The following UBXN4 variants were observed in gnomAD, a reference collection of about 807,000 sequenced individuals.
The protein encoded by UBXN4 is UBX domain-containing protein 4.
A neutral mutation model predicts 66.2 loss-of-function variants in UBXN4; 35 were observed. That is an observed-to-expected ratio of 0.53 (90% confidence interval 0.40 to 0.70). The LOEUF (loss-of-function observed/expected upper bound fraction) is 0.70, where lower values mean the gene tolerates loss of function less well. UBXN4 is among the 30% of genes least tolerant of loss of function. The pLI, the probability that UBXN4 is intolerant of heterozygous loss-of-function variation, is 0.00. For missense variants in UBXN4, 533 were observed against 599.8 expected, an observed-to-expected ratio of 0.89 and a Z score of 1.16; for synonymous variants, 203 against 204.5, an observed-to-expected ratio of 0.99 and a Z score of 0.06.
intron 4 of UBXN4, 46 bp from the exon 5 acceptor site, chr2:135,755,471 T>G: frequency 6.9e-7 from 1 of 1,440,784 alleles, no homozygotes; most frequent in Non-Finnish European, 9.2e-7. Context: ...CATGGTAAGT[T>G]TAGATTCTTA....
chr2:135,770,536 A>G (rs2077377528), intron 7 of UBXN4, 35 bp from the exon 8 acceptor site: 1 of 1,334,930 alleles, frequency 7.5e-7, no homozygotes, highest in Non-Finnish European at 9.9e-7. Context: ...CAGATTATCA[A>G]GTTTTTGGAT....
intron 12 of UBXN4, 150 bp downstream of exon 12, chr2:135,780,535 T>C (rs181121841): frequency 2.6e-6 from 2 of 759,320 alleles, no homozygotes. Context: ...GAAACTTTAT[T>C]ACATCATCTC....
intron 8 of UBXN4, 93 bp from the exon 9 acceptor site, chr2:135,772,327 T>TAAAA: frequency 8.9e-7 from 1 of 1,120,278 alleles, no homozygotes; most frequent in East Asian, 3.0e-5. Flanking sequence ...TGTCTCTTAA[T>TAAAA]AAAAAAAAAA....
At chr2:135,775,128 A>C (rs748669203) in intron 9 of UBXN4, among the ~76,000 whole-genome samples, 2 of 152,224 alleles carry the variant, frequency 1.3e-5, no homozygotes, top group Non-Finnish European at 2.9e-5. Flanking sequence ...AGTATGCCTA[A>C]ATGTAAAGAG....
chr2:135,751,805 A>G (rs557946094), intron 2 of UBXN4, among the ~76,000 whole-genome samples: 2 of 151,886 alleles, frequency 1.3e-5, no homozygotes, highest in African/African-American at 4.8e-5. Flanking sequence ...TTTTTATGAT[A>G]ATAATGCTTT....
intron 2 of UBXN4, 39 bp downstream of exon 2, chr2:135,748,408 TA>T: frequency 7.1e-7 from 1 of 1,413,770 alleles, no homozygotes; most frequent in Non-Finnish European, 9.5e-7. Context: ...TTTTAAAATT[TA>T]TAAGTATTGT....
intron 1 of UBXN4, among the ~76,000 whole-genome samples, chr2:135,746,693 T>C (rs1021261549): frequency 7.9e-5 from 12 of 152,174 alleles, no homozygotes; most frequent in African/African-American, 2.7e-4. Context: ...AAAGACCTTA[T>C]GGCTGAAGTG....
At chr2:135,751,183 T>C (rs906754333) in intron 2 of UBXN4, among the ~76,000 whole-genome samples, 1 of 146,204 alleles carries the variant, frequency 6.8e-6, no homozygotes, top group African/African-American at 2.5e-5. Context: ...TAAATTACTT[T>C]TTTTTATTTT....
chr2:135,744,840 C>T (rs1384509564), intron 1 of UBXN4, among the ~76,000 whole-genome samples: 1 of 152,200 alleles, frequency 6.6e-6, no homozygotes, highest in Non-Finnish European at 1.5e-5. Flanking sequence ...AGTCATCCCA[C>T]TCAGTAGTAT....
At chr2:135,762,661 A>G (rs190439349) in intron 6 of UBXN4, among the ~76,000 whole-genome samples, 189 of 152,290 alleles carry the variant, frequency 1.2e-3, no homozygotes, top group African/African-American at 4.3e-3. Flanking sequence ...GCTTCTTTTC[A>G]GCAAAACCTA....
chr2:135,753,262 G>C (rs1241414616), intron 2 of UBXN4, among the ~76,000 whole-genome samples: 1 of 152,138 alleles, frequency 6.6e-6, no homozygotes, highest in African/African-American at 2.4e-5. Context: ...GATCTCAAGT[G>C]ATCTGCCTGC....
chr2:135,770,772 T>G (rs528957451), intron 8 of UBXN4, 37 bp downstream of exon 8: 2 of 1,446,414 alleles, frequency 1.4e-6, no homozygotes, highest in African/African-American at 2.9e-5. Context: ...TGAAACTGTT[T>G]TTCTGTGCAC....
At chr2:135,745,448 GTAAT>G (rs1016029673) in intron 1 of UBXN4, among the ~76,000 whole-genome samples, 1 of 152,148 alleles carries the variant, frequency 6.6e-6, no homozygotes, top group African/African-American at 2.4e-5. Context: ...ATTTATTACT[GTAAT>G]TACGTATAGT....
chr2:135,743,176 C>T (rs1463312200), intron 1 of UBXN4, among the ~76,000 whole-genome samples: 2 of 152,192 alleles, frequency 1.3e-5, no homozygotes, highest in Non-Finnish European at 2.9e-5. Context: ...GAACGAATTA[C>T]TGAAATGTGA....
rs764488642 is a variant in UBXN4, at chr2:135,772,442, G to A, written c.845G>A (p.Arg282His). The A allele has an allele frequency of 3.5e-5, 57 of 1,613,922 alleles. No homozygotes were observed. The highest frequency in any genetic ancestry group is 3.0e-5 in the Non-Finnish European group (35 of 1,179,944). The change falls in exon 9 of 13, where the codon CGT (arginine) becomes CAT (histidine). Residue 282 changes from arginine to histidine, a missense_variant. By Grantham distance (29) the Arg-to-His change is conservative. Around this residue, in one of 2 missense-constraint regions of UBXN4, gnomAD observed 529 missense variants for 580.1 expected, o/e 0.91. Transcript: ENST00000272638. ...AAGGACCGTGCAGAGAGAGCTGCTC[G>A]TTTTGCAAAGACAAAGGAAGAAGTA... Reference protein sequence around the residue: ...IALDRAERAARFAKTKEEVEA... With the variant: ...IALDRAERAAHFAKTKEEVEA...
chr2:135,747,348 C>CAAAAAAAAAAAAAAAAAAAAAAAAAAA (rs138276089), intron 1 of UBXN4, among the ~76,000 whole-genome samples: 3 of 83,514 alleles, frequency 3.6e-5, no homozygotes, highest in African/African-American at 4.4e-5. Flanking sequence ...AACTCCATCT[C>CAAAAAAAAAAAAAAAAAAAAAAAAAAA]AAAAAAAAAA....
chr2:135,759,420 T>A (rs1243706444), intron 5 of UBXN4, among the ~76,000 whole-genome samples: 1 of 152,198 alleles, frequency 6.6e-6, no homozygotes, highest in African/African-American at 2.4e-5. Context: ...TATTGGTTGA[T>A]GTGTTTTTAA....
intron 9 of UBXN4, among the ~76,000 whole-genome samples, chr2:135,775,801 C>T (rs1237064002): frequency 6.6e-6 from 1 of 152,208 alleles, no homozygotes; most frequent in Non-Finnish European, 1.5e-5. Context: ...GAGTCTCGCT[C>T]TATTGCCTAG....
At chr2:135,778,208 C>CA (rs1447882413) in intron 10 of UBXN4, among the ~76,000 whole-genome samples, 3 of 141,060 alleles carry the variant, frequency 2.1e-5, no homozygotes, top group Non-Finnish European at 4.7e-5. Context: ...ACCCAAAAAA[C>CA]AAAAATTCCA....
Sources: allele counts gnomAD v4.1 joint callset (sites outside exome capture counted in the v4.1 genomes callset), GRCh38; gene constraint gnomAD v4.1.1; regional missense constraint gnomAD v4.1.1; transcripts MANE v1.5; gene names NCBI Gene and HGNC (gene_info 2026-07-23, HGNC 2026-07-21).